Variants in RALGAPA1 observed in about 807,000 individuals in gnomAD.
The protein encoded by RALGAPA1 is Ral GTPase activating protein catalytic subunit alpha 1.
A neutral mutation model predicts 269.6 loss-of-function variants in RALGAPA1; 52 were observed. The ratio of observed to expected loss-of-function variants is 0.19; its 90% CI spans 0.15 to 0.24. The LOEUF (loss-of-function observed/expected upper bound fraction) is 0.24, where lower values mean the gene tolerates loss of function less well. Among genes scored for constraint, RALGAPA1 ranks in the 10% least tolerant of loss-of-function variants. The pLI is 1.00. For missense variants in RALGAPA1, 1,917 were observed against 3,013.9 expected (o/e 0.64, Z 8.52); for synonymous variants, 817 against 1,008.3 (o/e 0.81, Z 3.60).
Position 35,808,972 on chromosome 14 carries a change from G to C in RALGAPA1, c.-137C>G. The C allele has an allele frequency of 7.0e-7, 1 of 1,436,744 alleles. No homozygotes were observed. Among genetic ancestry groups the C allele is most frequent in the South Asian group, 1.4e-5 (1 of 69,102 alleles). The allele number at this position is 1,436,744 out of a possible 1,614,324, so 89.0% of individuals were successfully genotyped here. ...CTCCCCAGCCTTGCGGGCCAGGGCA[G>C]AGCCGACTCCTTCCCGATCCAGGCC... On this transcript the variant is annotated 5_prime_UTR_variant, in exon 1 of 42. Transcript: ENST00000680220.
At chr14:35,729,067 A>G (rs540554831) in intron 12 of RALGAPA1, among the ~76,000 whole-genome samples, 1 of 152,288 alleles carries the variant, frequency 6.6e-6, no homozygotes, top group African/African-American at 2.4e-5. Flanking sequence ...GAGAAGCTTT[A>G]ATAACTCTAT....
chr14:35,554,156 T>C (rs141970483), intron 39 of RALGAPA1, among the ~76,000 whole-genome samples: 3,686 of 152,178 alleles, frequency 0.024, 142 homozygotes, highest in African/African-American at 0.084. Context: ...TGAGTACTAC[T>C]TAAGTTGAGC....
chr14:35,665,347 G>T (rs1327443033), intron 26 of RALGAPA1, among the ~76,000 whole-genome samples: 1 of 152,174 alleles, frequency 6.6e-6, no homozygotes, highest in African/African-American at 2.4e-5. Flanking sequence ...CATTTCTGAA[G>T]TATCAACACT....
At chr14:35,706,816 G>C (rs919321174) in intron 16 of RALGAPA1, 1 of 151,726 alleles carries the variant, frequency 6.6e-6, no homozygotes, top group African/African-American at 2.4e-5. Context: ...GACAGGTTTT[G>C]CCATGTTGCT....
intron 39 of RALGAPA1, among the ~76,000 whole-genome samples, chr14:35,551,658 A>G (rs2055023569): frequency 6.6e-6 from 1 of 152,146 alleles, no homozygotes. Context: ...GCAGGGGAGG[A>G]TATTTCCAAT....
At chr14:35,715,614 T>A (rs2068746158) in intron 16 of RALGAPA1, 1 of 504,096 alleles carries the variant, frequency 2.0e-6, no homozygotes, top group African/African-American at 2.1e-5. Context: ...TGGTTGATTC[T>A]AATCTGTGGA....
intron 1 of RALGAPA1, among the ~76,000 whole-genome samples, chr14:35,787,331 A>T (rs1480798593): frequency 1.3e-5 from 2 of 152,256 alleles, no homozygotes; most frequent in Non-Finnish European, 2.9e-5. Flanking sequence ...GCATATTTAC[A>T]GTAAGTGGCT....
rs1363218330 is a variant in RALGAPA1 at position 35,700,248 on chromosome 14, C to T, written c.2321G>A (p.Ser774Asn). Reference protein sequence around the residue: ...ECALPSAYIRSAKSAPVLIHT... With the variant: ...ECALPSAYIRNAKSAPVLIHT... The stretch of plus-strand genomic sequence containing the variant: ...GATCAGAACAGGAGCACTTTTAGCA[C>T]TGCGTATATAGGCCGATGGCAGAGC... Residue 774 changes from serine to asparagine, a missense_variant, in exon 17 of 42, where the codon AGT (serine) becomes AAT (asparagine). Physicochemically the swap from Ser to Asn is conservative, Grantham distance 46 (BLOSUM62 1). This residue lies in a region of RALGAPA1 where 125 missense variants were observed against 155.7 expected (regional missense o/e 0.80). Transcript: ENST00000680220. 6.5e-7 allele frequency: 1 copy of T among 1,535,516 alleles called. No individual in the cohort carries two copies. The highest frequency in any genetic ancestry group is 8.7e-7 in the Non-Finnish European group (1 of 1,146,698).
intron 6 of RALGAPA1, among the ~76,000 whole-genome samples, chr14:35,759,409 G>T (rs2073489087): frequency 6.6e-6 from 1 of 152,158 alleles, no homozygotes; most frequent in Non-Finnish European, 1.5e-5. Context: ...AGGAGGTAAA[G>T]TTACATGAGA....
rs1301443813 is a variant in RALGAPA1 at position 35,765,970 on chromosome 14, C to A, written c.326-3217G>T. Reference sequence around the variant, plus strand: ...CCAGTTAAAAACCCCTGGAGTTATTCAAAACAATATAGAGAAAAGAGGAAG... The same window carrying A: ...CCAGTTAAAAACCCCTGGAGTTATTAAAAACAATATAGAGAAAAGAGGAAG... On this transcript the variant is annotated intron_variant, in intron 4 of 41. Coordinates refer to ENST00000680220, the MANE Select transcript of RALGAPA1 (RefSeq NM_001346249.2). The A allele has an allele frequency of 1.3e-5, 18 of 1,392,680 alleles. No individual in the cohort carries two copies. In the Middle Eastern group the frequency reaches 2.5e-3, roughly 190 times the overall value. The allele number at this position is 1,392,680 out of a possible 1,614,324, so 86.3% of individuals were successfully genotyped here.
intron 21 of RALGAPA1, among the ~76,000 whole-genome samples, chr14:35,678,428 TTA>T (rs2065141539): frequency 6.6e-6 from 1 of 152,204 alleles, no homozygotes; most frequent in South Asian, 2.1e-4. Flanking sequence ...TCTATTTCAC[TTA>T]AATCAGACTT....
At chr14:35,781,438 T>G (rs956296815) in intron 1 of RALGAPA1, among the ~76,000 whole-genome samples, 2 of 152,148 alleles carry the variant, frequency 1.3e-5, no homozygotes, top group African/African-American at 4.8e-5. Context: ...TTCCAAAAAA[T>G]AGAGTATATT....
intron 4 of RALGAPA1, among the ~76,000 whole-genome samples, chr14:35,767,928 T>C (rs561462772): frequency 5.3e-5 from 8 of 152,182 alleles, no homozygotes; most frequent in African/African-American, 1.9e-4. Flanking sequence ...GAAGGAGTCA[T>C]CACGTCTGGA....
intron 27 of RALGAPA1, among the ~76,000 whole-genome samples, chr14:35,659,716 C>T (rs1271066508): frequency 6.6e-6 from 1 of 151,672 alleles, no homozygotes; most frequent in African/African-American, 2.4e-5. Flanking sequence ...AATATAGATG[C>T]AAAAATCCTC....
At chr14:35,617,438 T>C (rs948952730) in intron 35 of RALGAPA1, among the ~76,000 whole-genome samples, 4 of 151,906 alleles carry the variant, frequency 2.6e-5, no homozygotes, top group African/African-American at 9.7e-5. Context: ...GCCAATATGG[T>C]GAAACCCCAT....
At chr14:35,751,898 T>A in intron 8 of RALGAPA1, 126 bp downstream of exon 8, 1 of 1,325,274 alleles carries the variant, frequency 7.5e-7, no homozygotes, top group Non-Finnish European at 9.9e-7. Flanking sequence ...CTAGGTATCA[T>A]ATCTATACCA....
intron 16 of RALGAPA1, among the ~76,000 whole-genome samples, chr14:35,702,079 GCCT>G: frequency 6.6e-6 from 1 of 152,274 alleles, no homozygotes; most frequent in South Asian, 2.1e-4. Flanking sequence ...TTTTAGGTCA[GCCT>G]CCTCAACTTT....
At chr14:35,784,708 T>C (rs1252665872) in intron 1 of RALGAPA1, among the ~76,000 whole-genome samples, 1 of 152,198 alleles carries the variant, frequency 6.6e-6, no homozygotes. Context: ...AATTTTTTTT[T>C]CCTAAGTCTA....
intron 34 of RALGAPA1, among the ~76,000 whole-genome samples, chr14:35,626,788 A>G (rs1028999104): frequency 6.6e-6 from 1 of 151,822 alleles, no homozygotes; most frequent in Non-Finnish European, 1.5e-5. Flanking sequence ...AAATAATCAT[A>G]TTGCAGTTTC....
Sources: allele counts gnomAD v4.1 joint callset (sites outside exome capture counted in the v4.1 genomes callset), GRCh38; gene constraint gnomAD v4.1.1; regional missense constraint gnomAD v4.1.1; transcripts MANE v1.5; gene names NCBI Gene and HGNC (gene_info 2026-07-23, HGNC 2026-07-21).